HACD2: variants seen among roughly 807,000 people sequenced by gnomAD.
The protein encoded by HACD2 is very-long-chain (3R)-3-hydroxyacyl-CoA dehydratase 2.
Under a neutral mutation model 31.0 loss-of-function variants are expected in HACD2, and 15 were observed. That is an observed-to-expected ratio of 0.48 (90% confidence interval 0.32 to 0.75). The LOEUF (loss-of-function observed/expected upper bound fraction) is 0.75. HACD2 is among the 30% of genes least tolerant of loss of function. The probability of loss-of-function intolerance (pLI) is 0.03; values close to 1 mark genes in which losing one functional copy is unlikely to be tolerated. For synonymous variants in HACD2, 115 were observed against 122.2 expected (o/e 0.94, Z 0.39); for missense variants, 283 against 313.0 (o/e 0.90, Z 0.72).
At chr3:123,562,955 T>C (rs756493349) in intron 3 of HACD2, among the ~76,000 whole-genome samples, 16 of 152,244 alleles carry the variant, frequency 1.1e-4, no homozygotes, top group South Asian at 4.1e-4. Flanking sequence ...AGAAACAGCT[T>C]ACTCCTTATT....
rs570759429 is a variant in HACD2, at chr3:123,526,782, C to T, written c.381+1604G>A. On this transcript the variant is annotated intron_variant, in intron 4 of 6. Coordinates refer to ENST00000383657, the MANE Select transcript of HACD2 (RefSeq NM_198402.5). ...TATAATCCACAGAGACATTTAATAG[C>T]TTTGCAAGCCAACCAGTTTCAATGA... is the stretch of plus-strand genomic sequence containing the variant. 3.7e-5 allele frequency among the ~76,000 whole-genome samples: 5 copies of T among 136,414 alleles called. No homozygotes were observed. The East Asian group carries it at 1.1e-3, about 30-fold the overall frequency. 89.5% of individuals were successfully genotyped at this position (136,414 alleles called of 152,430 possible).
At chr3:123,584,211 G>C (rs1026171192) in intron 1 of HACD2, among the ~76,000 whole-genome samples, 2 of 152,128 alleles carry the variant, frequency 1.3e-5, no homozygotes, top group Non-Finnish European at 1.5e-5. Context: ...CCGGGATAAG[G>C]GATGCACTGA....
intron 3 of HACD2, among the ~76,000 whole-genome samples, chr3:123,534,969 A>G (rs967312925): frequency 6.6e-6 from 1 of 152,260 alleles, no homozygotes; most frequent in Admixed American, 6.5e-5. Flanking sequence ...GTTAAAGAAA[A>G]TTAAGCTTAT....
chr3:123,574,036 A>G (rs2697518), intron 2 of HACD2, among the ~76,000 whole-genome samples: 4,604 of 152,326 alleles, frequency 0.03, 77 homozygotes, highest in Middle Eastern at 0.088. Context: ...TCAAGGTCAC[A>G]GGGCTAATTA....
intron 4 of HACD2, among the ~76,000 whole-genome samples, chr3:123,516,389 G>A (rs553011678): frequency 1.3e-4 from 19 of 151,768 alleles, no homozygotes; most frequent in South Asian, 8.3e-4. Context: ...CGCCCGCTGC[G>A]ACGCCCGGCT....
At chr3:123,540,677 T>C (rs9870323) in intron 3 of HACD2, among the ~76,000 whole-genome samples, 4,554 of 152,274 alleles carry the variant, frequency 0.03, 75 homozygotes, top group Middle Eastern at 0.088. Flanking sequence ...AATACCAGTG[T>C]TTTAAACCAG....
At chr3:123,517,499 C>T (rs1242336963) in intron 4 of HACD2, among the ~76,000 whole-genome samples, 1 of 152,142 alleles carries the variant, frequency 6.6e-6, no homozygotes, top group Non-Finnish European at 1.5e-5. Flanking sequence ...TCTAAATATT[C>T]TATGAAGTGA....
intron 3 of HACD2, among the ~76,000 whole-genome samples, chr3:123,545,884 G>C (rs2056554286): frequency 6.6e-6 from 1 of 151,668 alleles, no homozygotes; most frequent in Non-Finnish European, 1.5e-5. Flanking sequence ...GCTAACTTTT[G>C]TATTTTAGTA....
intron 4 of HACD2, among the ~76,000 whole-genome samples, chr3:123,507,305 A>G (rs1304088282): frequency 6.6e-6 from 1 of 152,244 alleles, no homozygotes; most frequent in Non-Finnish European, 1.5e-5. Flanking sequence ...ATTTTAATGC[A>G]AATGTTCATA....
chr3:123,584,769 C>T, intron 1 of HACD2, 104 bp downstream of exon 1: 1 of 935,094 alleles, frequency 1.1e-6, no homozygotes, highest in Non-Finnish European at 1.5e-6. Flanking sequence ...GCCGGGAATG[C>T]ACTGCCTGCG....
Position 123,567,767 on chromosome 3 carries a change from G to A in HACD2, c.287C>T (p.Ala96Val), listed in dbSNP as rs2107748067. 1 of 1,499,422 alleles carries A rather than the reference G, an allele frequency of 6.7e-7. No homozygotes were observed. The allele number at this position is 1,499,422 out of a possible 1,614,324, so 92.9% of individuals were successfully genotyped here. The change falls in exon 3 of 7, where the codon GCT (alanine) becomes GTT (valine). Residue 96 changes from alanine to valine, a missense_variant. Physicochemically the swap from Ala to Val is moderately conservative, Grantham distance 64 (BLOSUM62 0). Coordinates refer to ENST00000383657, the MANE Select transcript of HACD2 (RefSeq NM_198402.5). The stretch of plus-strand genomic sequence containing the variant: ...GGGGGAATATCCATACTTACCTATA[G>A]CACAATGTAAAATCTAGAGGAAAAA... ...TGALLEILHC[A>V]IGIVPSSVVL... is the part of the protein sequence containing the mutation.
chr3:123,553,786 C>T (rs1177147053), intron 3 of HACD2, among the ~76,000 whole-genome samples: 1 of 151,972 alleles, frequency 6.6e-6, no homozygotes, highest in East Asian at 1.9e-4. Flanking sequence ...ATTGTTTTTC[C>T]CATGAGTAAT....
intron 4 of HACD2, among the ~76,000 whole-genome samples, chr3:123,503,377 C>G (rs557148125): frequency 3.3e-5 from 5 of 151,972 alleles, no homozygotes; most frequent in Non-Finnish European, 7.4e-5. Context: ...TATTTCCTCC[C>G]ATTAGAGACT....
chr3:123,567,044 T>C (rs1396432934), intron 3 of HACD2, among the ~76,000 whole-genome samples: 1 of 152,188 alleles, frequency 6.6e-6, no homozygotes, highest in African/African-American at 2.4e-5. Flanking sequence ...TTTTTGACTT[T>C]CAGTGCTTCT....
At chr3:123,570,123 G>C (rs1425811926) in intron 2 of HACD2, among the ~76,000 whole-genome samples, 4 of 149,778 alleles carry the variant, frequency 2.7e-5, no homozygotes. Context: ...CAGAGCAGTA[G>C]GTCTCAGTCC....
At chr3:123,528,496 A>T in intron 3 of HACD2, 22 bp from the exon 4 acceptor site, 1 of 1,369,986 alleles carries the variant, frequency 7.3e-7, no homozygotes, top group Non-Finnish European at 1.0e-6. Context: ...TTTGGGATGG[A>T]TAAATAAATG....
intron 2 of HACD2, among the ~76,000 whole-genome samples, chr3:123,571,100 T>C (rs769122634): frequency 4.2e-4 from 64 of 152,356 alleles, no homozygotes; most frequent in Non-Finnish European, 7.6e-4. Flanking sequence ...TGCGCTGAAA[T>C]CCTTTTCAAC....
intron 3 of HACD2, among the ~76,000 whole-genome samples, chr3:123,566,039 T>G (rs955366): frequency 0.025 from 3,746 of 152,254 alleles, 67 homozygotes; most frequent in Middle Eastern, 0.088. Flanking sequence ...ACGGGACAGA[T>G]GAGCCCCCAA....
At chr3:123,509,296 AAGTTAAGGCTGC>A (rs1186312600) in intron 4 of HACD2, among the ~76,000 whole-genome samples, 8 of 151,930 alleles carry the variant, frequency 5.3e-5, no homozygotes, top group Admixed American at 3.3e-4. Context: ...TGAGCCCGGA[AAGTTAAGGCTGC>A]AGTGAGCTGT....
Sources: gnomAD v4.1 joint callset for allele counts (sites outside exome capture counted in the v4.1 genomes callset) on GRCh38, gnomAD v4.1.1 for gene constraint, MANE v1.5 for transcripts, NCBI Gene and HGNC (gene_info 2026-07-23, HGNC 2026-07-21) for gene names.